PTGR2: variants seen among roughly 807,000 people sequenced by gnomAD.
The protein encoded by PTGR2 is prostaglandin reductase 2.
PTGR2 carries 32 observed loss-of-function variants against 43.4 expected under a neutral mutation model. The observed-to-expected ratio is 0.74, with a 90% CI of 0.56 to 0.99. PTGR2 has a LOEUF of 0.99. Ranked by LOEUF, PTGR2 falls within the 50% of genes least tolerant of loss-of-function variation. The pLI, the probability that PTGR2 is intolerant of heterozygous loss-of-function variation, is 0.00. For synonymous variants in PTGR2, 106 were observed against 139.2 expected (o/e 0.76, Z 1.68); for missense variants, 373 against 420.0 (o/e 0.89, Z 0.98).
chr14:73,862,836 T>C (rs1027654591), intron 3 of PTGR2, among the ~76,000 whole-genome samples: 1 of 151,920 alleles, frequency 6.6e-6, no homozygotes, highest in African/African-American at 2.4e-5. Flanking sequence ...GCTTCCCAAC[T>C]AGCAGGGACC....
chr14:73,877,633 TAG>T (rs2054895567), intron 5 of PTGR2: 1 of 152,648 alleles, frequency 6.6e-6, no homozygotes, highest in Admixed American at 6.5e-5. Context: ...TTTACCTACT[TAG>T]ACTCTCTTAC....
chr14:73,865,788 A>T (rs909405945), intron 3 of PTGR2, among the ~76,000 whole-genome samples: 1 of 152,022 alleles, frequency 6.6e-6, no homozygotes, highest in Non-Finnish European at 1.5e-5. Flanking sequence ...AGGGACATGA[A>T]CCAGCACTGT....
chr14:73,869,260 G>C (rs756409932), intron 3 of PTGR2, among the ~76,000 whole-genome samples: 4 of 152,150 alleles, frequency 2.6e-5, no homozygotes, highest in Non-Finnish European at 5.9e-5. Context: ...TGGGCTGGGT[G>C]CCATGGCTCA....
chr14:73,858,902 A>G lies in PTGR2; in HGVS notation c.37+3A>G, dbSNP rs2054424887. ...AGTGGTATTGAATTCTCGACCTGGTATGTATTTGCGATGAATGAACAACTC... is the reference window on the plus strand; with the variant it reads ...AGTGGTATTGAATTCTCGACCTGGTGTGTATTTGCGATGAATGAACAACTC... On this transcript the variant is annotated splice_donor_region_variant and intron_variant, in intron 2 of 9. Transcript: ENST00000555661. 3 of 1,610,066 alleles carry G rather than the reference A, an allele frequency of 1.9e-6. No homozygotes were observed. Among genetic ancestry groups the G allele is most frequent in the South Asian group, 1.1e-5 (1 of 90,796 alleles).
At chr14:73,865,080 A>G (rs948209447) in intron 3 of PTGR2, among the ~76,000 whole-genome samples, 3 of 152,178 alleles carry the variant, frequency 2.0e-5, no homozygotes, top group Non-Finnish European at 4.4e-5. Flanking sequence ...ACACACATAT[A>G]TATGAGAGGG....
Position 73,883,188 on chromosome 14 carries a change from C to CTTTTTTTTTTTTTTTTTTTTT in PTGR2, c.979+762_979+782dup, listed in dbSNP as rs58234739. Among the ~76,000 whole-genome samples the CTTTTTTTTTTTTTTTTTTTTT allele has an allele frequency of 2.1e-4, 12 of 58,120 alleles. 1 individual carries two copies. The highest frequency in any genetic ancestry group is 4.0e-4 in the African/African-American group (5 of 12,570). 38.1% of individuals were successfully genotyped at this position (58,120 alleles called of 152,430 possible). A position where few individuals can be genotyped will look rare whatever the true frequency, so the allele number is the denominator to read the frequency against. On this transcript the variant is annotated intron_variant, in intron 9 of 9. Coordinates refer to ENST00000555661, the MANE Select transcript of PTGR2 (RefSeq NM_001146154.2). ...CCTGCCCTTCCCTCCCCTCACCTCCCTTTTTTTTTTTTTTTTTTTTTTTTT... is the reference window on the plus strand; with the variant it reads ...CCTGCCCTTCCCTCCCCTCACCTCCCTTTTTTTTTTTTTTTTTTTTTTTTTTTTTTTTTTTTTTTTTTTTTT...
Position 73,858,872 on chromosome 14 carries a change from C to A in PTGR2, c.10C>A (p.Gln4Lys). Residue 4 changes from glutamine (Q) to lysine (K), a missense_variant, in exon 2 of 10, where the codon CAA becomes AAA. Gln to Lys is a moderately conservative substitution (Grantham distance 53, BLOSUM62 1). Transcript: ENST00000555661. MIV[Q>K]RVVLNSRPGK... ...CTGCCCAACCAGAGCAATGATTGTTCAAAGAGTGGTATTGAATTCTCGACC... is the reference window on the plus strand; with the variant it reads ...CTGCCCAACCAGAGCAATGATTGTTAAAAGAGTGGTATTGAATTCTCGACC... 3 of 1,611,164 alleles carry A rather than the reference C, an allele frequency of 1.9e-6. No individual in the cohort carries two copies. Among genetic ancestry groups the A allele is most frequent in the South Asian group, 1.1e-5 (1 of 90,774 alleles).
At chr14:73,857,981 T>C (rs1389651185) in intron 1 of PTGR2, 1 of 152,088 alleles carries the variant, frequency 6.6e-6, no homozygotes, top group East Asian at 1.9e-4. Flanking sequence ...AGTTAGCGTT[T>C]TTATTTTGCC....
At chr14:73,867,078 G>C (rs1232176268) in intron 3 of PTGR2, among the ~76,000 whole-genome samples, 4 of 113,574 alleles carry the variant, frequency 3.5e-5, no homozygotes, top group Non-Finnish European at 5.1e-5. Context: ...GACAGAGCAA[G>C]ACTCTGTCTC....
At chr14:73,853,166 G>A (rs1176403669) in intron 1 of PTGR2, among the ~76,000 whole-genome samples, 2 of 151,938 alleles carry the variant, frequency 1.3e-5, no homozygotes, top group East Asian at 2.0e-4. Flanking sequence ...AGGGTTGCTA[G>A]TGGCAGAATA....
chr14:73,869,391 A>C (rs2054672509), intron 3 of PTGR2, among the ~76,000 whole-genome samples: 1 of 151,070 alleles, frequency 6.6e-6, no homozygotes, highest in South Asian at 2.1e-4. Context: ...AAATTAGGTG[A>C]GTGTTAAGGT....
chr14:73,880,509 A>AG (rs1462864386), intron 7 of PTGR2, among the ~76,000 whole-genome samples: 2 of 150,872 alleles, frequency 1.3e-5, no homozygotes, highest in East Asian at 3.9e-4. Flanking sequence ...TGGGAGGTGG[A>AG]GGTTGCAGTG....
At chr14:73,876,004 A>G (rs1222759601) in intron 4 of PTGR2, among the ~76,000 whole-genome samples, 1 of 151,376 alleles carries the variant, frequency 6.6e-6, no homozygotes, top group African/African-American at 2.4e-5. Flanking sequence ...TATTTTTAGT[A>G]GAGACGGGGT....
chr14:73,883,305 A>G (rs191971900), intron 9 of PTGR2, among the ~76,000 whole-genome samples: 23 of 146,670 alleles, frequency 1.6e-4, no homozygotes, highest in Admixed American at 6.3e-4. Context: ...CATGGGCTCA[A>G]GCAATCCTCT....
At chr14:73,874,502 C>T in intron 4 of PTGR2, 13 of 495,324 alleles carry the variant, frequency 2.6e-5, no homozygotes, top group South Asian at 2.0e-4. Context: ...TGGAGCCTCA[C>T]AGAAGAATAG....
chr14:73,861,136 G>T, intron 3 of PTGR2: 1 of 152,514 alleles, frequency 6.6e-6, no homozygotes, highest in South Asian at 2.1e-4. Context: ...CTGGGCTCAG[G>T]CAATCCTCTG....
chr14:73,868,751 C>T (rs1033431493), intron 3 of PTGR2, among the ~76,000 whole-genome samples: 28 of 151,176 alleles, frequency 1.9e-4, no homozygotes, highest in Non-Finnish European at 2.7e-4. Context: ...CTGCCTTGCC[C>T]GTTCTTTCCT....
intron 3 of PTGR2, among the ~76,000 whole-genome samples, chr14:73,872,516 A>G (rs1347304912): frequency 6.6e-6 from 1 of 152,238 alleles, no homozygotes; most frequent in Non-Finnish European, 1.5e-5. Context: ...AACGTGTATA[A>G]TATTACTTCA....
chr14:73,862,592 A>T (rs1595352274), intron 3 of PTGR2, among the ~76,000 whole-genome samples: 1 of 152,096 alleles, frequency 6.6e-6, no homozygotes, highest in East Asian at 1.9e-4. Flanking sequence ...TCGCTTATTG[A>T]TCTGCTGTCT....
Sources: gnomAD v4.1 joint callset for allele counts (sites outside exome capture counted in the v4.1 genomes callset) on GRCh38, gnomAD v4.1.1 for gene constraint, MANE v1.5 for transcripts, NCBI Gene and HGNC (gene_info 2026-07-23, HGNC 2026-07-21) for gene names.